Variants in DNAAF9 observed in about 807,000 individuals in gnomAD.
DNAAF9 encodes shulin.
A neutral mutation model predicts 167.0 loss-of-function variants in DNAAF9; 90 were observed. The ratio of observed to expected loss-of-function variants is 0.54; its 90% CI spans 0.45 to 0.64. The LOEUF (loss-of-function observed/expected upper bound fraction) is 0.64. Among genes scored for constraint, DNAAF9 ranks in the 30% least tolerant of loss-of-function variants. DNAAF9 has a pLI of 0.00. For missense variants in DNAAF9, 1,315 were observed against 1,442.2 expected (o/e 0.91, Z 1.43); for synonymous variants, 491 against 508.8 (o/e 0.96, Z 0.47).
intron 21 of DNAAF9, among the ~76,000 whole-genome samples, chr20:3,304,115 A>G (rs1437600482): frequency 6.6e-6 from 1 of 152,206 alleles, no homozygotes; most frequent in African/African-American, 2.4e-5. Context: ...AGGCCACCCA[A>G]GAGGGGCCAC....
At chr20:3,355,191 T>A (rs2083267574) in intron 7 of DNAAF9, among the ~76,000 whole-genome samples, 1 of 152,232 alleles carries the variant, frequency 6.6e-6, no homozygotes, top group Admixed American at 6.5e-5. Flanking sequence ...CTTTTTTTCA[T>A]AATTAGGTTC....
intron 7 of DNAAF9, among the ~76,000 whole-genome samples, chr20:3,355,608 T>C (rs1275423413): frequency 6.6e-6 from 1 of 152,050 alleles, no homozygotes; most frequent in African/African-American, 2.4e-5. Flanking sequence ...AGAACAGATG[T>C]TCAATGTTAT....
At chr20:3,343,799 A>G (rs1184330075) in intron 8 of DNAAF9, 68 bp from the exon 9 acceptor site, 1 of 1,146,274 alleles carries the variant, frequency 8.7e-7, no homozygotes, top group African/African-American at 1.5e-5. Context: ...AACCCCTCAC[A>G]TATGTATGTA....
At chr20:3,324,280 T>TAAAAAA (rs2069671244) in intron 14 of DNAAF9, among the ~76,000 whole-genome samples, 1 of 152,224 alleles carries the variant, frequency 6.6e-6, no homozygotes, top group African/African-American at 2.4e-5. Context: ...GAAGTATTCT[T>TAAAAAA]AAATAAATTC....
chr20:3,362,581 T>C (rs1372023043), intron 6 of DNAAF9, among the ~76,000 whole-genome samples: 1 of 152,194 alleles, frequency 6.6e-6, no homozygotes, highest in African/African-American at 2.4e-5. Context: ...TATTTTCATT[T>C]TGGGCTTGAC....
intron 14 of DNAAF9, 63 bp from the exon 15 acceptor site, chr20:3,322,759 AG>A: frequency 1.7e-6 from 2 of 1,182,996 alleles, no homozygotes; most frequent in Non-Finnish European, 2.5e-6. Context: ...ATACCTGTGC[AG>A]GGTACCTGCT....
chr20:3,285,992 G>GA (rs1444780667), intron 27 of DNAAF9, among the ~76,000 whole-genome samples: 1 of 150,610 alleles, frequency 6.6e-6, no homozygotes, highest in African/African-American at 2.4e-5. Context: ...AAAAAAAAAA[G>GA]AAAAAGAAAA....
intron 29 of DNAAF9, among the ~76,000 whole-genome samples, chr20:3,273,166 T>C (rs1205038773): frequency 6.6e-6 from 1 of 152,190 alleles, no homozygotes; most frequent in African/African-American, 2.4e-5. Context: ...CTTAAGTGAA[T>C]ATCTCTAAAT....
At chr20:3,396,030 G>A (rs2083902155) in intron 1 of DNAAF9, among the ~76,000 whole-genome samples, 1 of 152,286 alleles carries the variant, frequency 6.6e-6, no homozygotes, top group East Asian at 1.9e-4. Flanking sequence ...TTTTAAAAAT[G>A]GCAGTTTCCC....
intron 10 of DNAAF9, among the ~76,000 whole-genome samples, chr20:3,336,740 C>T (rs1335832308): frequency 2.0e-5 from 3 of 149,408 alleles, no homozygotes; most frequent in Non-Finnish European, 1.5e-5. Context: ...TTAGTAGAGA[C>T]GGGGTTTCGC....
chr20:3,344,442 A>G (rs1258013217), intron 8 of DNAAF9, among the ~76,000 whole-genome samples: 1 of 152,146 alleles, frequency 6.6e-6, no homozygotes, highest in East Asian at 1.9e-4. Flanking sequence ...AAAAACTATC[A>G]ACATTTTGGT....
intron 3 of DNAAF9, among the ~76,000 whole-genome samples, chr20:3,378,656 C>T (rs6115865): frequency 0.35 from 53,610 of 151,924 alleles, 10,317 homozygotes; most frequent in African/African-American, 0.51. Context: ...GAACTAGATG[C>T]TGTCAGAGGT....
At chr20:3,294,465 C>G in intron 24 of DNAAF9, 63 bp downstream of exon 24, 1 of 1,157,074 alleles carries the variant, frequency 8.6e-7, no homozygotes. Context: ...AGGACCAACA[C>G]TGAGGTTTCC....
At position 3,315,588 on chromosome 20, in the gene DNAAF9, G is replaced by A; in HGVS notation, c.1590+147C>T. The A allele has an allele frequency of 1.5e-6, 1 of 687,868 alleles. No individual in the cohort carries two copies. Among genetic ancestry groups the A allele is most frequent in the Non-Finnish European group, 2.6e-6 (1 of 383,866 alleles). The allele number at this position is 687,868 out of a possible 1,614,324, so 42.6% of individuals were successfully genotyped here. ...ATGGTTATTTCTAAAGCTCTGCTGG[G>A]AAGGGGAGGAATGCAAATAGGAAGT... On this transcript the variant is annotated intron_variant, in intron 19 of 36. Transcript: ENST00000252032. The surrounding 1 kb of genome is among the most constrained non-coding windows in gnomAD (Gnocchi z 4.1).
At chr20:3,326,389 A>G in intron 12 of DNAAF9, 105 bp from the exon 13 acceptor site, 1 of 807,006 alleles carries the variant, frequency 1.2e-6, no homozygotes, top group Non-Finnish European at 2.0e-6. Context: ...TTTTAAACAG[A>G]ATGAAAAAAG....
chr20:3,291,961 C>G (rs915552286), intron 25 of DNAAF9, among the ~76,000 whole-genome samples: 2 of 152,030 alleles, frequency 1.3e-5, no homozygotes, highest in Admixed American at 6.6e-5. Context: ...CATGTACATA[C>G]AGCCAGACAT....
At position 3,365,835 on chromosome 20, in the gene DNAAF9, G is replaced by A. The variant is rs150739742; in HGVS notation, c.613-6242C>T. On this transcript the variant is annotated intron_variant, in intron 6 of 36. Coordinates refer to ENST00000252032, the MANE Select transcript of DNAAF9 (RefSeq NM_001009984.3). The stretch of plus-strand genomic sequence containing the variant: ...AACAATGTTCACAGCATCTTCACCA[G>A]GAGTAGATTCCATCTCAAGAAACCA... 9.0e-3 allele frequency among the ~76,000 whole-genome samples: 1,377 copies of A among 152,268 alleles called. 20 individuals are homozygous for A. The highest frequency in any genetic ancestry group is 0.032 in the African/African-American group (1,321 of 41,540).
intron 7 of DNAAF9, among the ~76,000 whole-genome samples, chr20:3,358,234 A>C (rs892934221): frequency 6.6e-6 from 1 of 151,926 alleles, no homozygotes; most frequent in African/African-American, 2.4e-5. Flanking sequence ...CTTTATTAGA[A>C]TATGTCTCAG....
chr20:3,361,844 GGGGGAA>G, intron 6 of DNAAF9: 1 of 1,446,742 alleles, frequency 6.9e-7, no homozygotes, highest in Non-Finnish European at 9.5e-7. Context: ...TCGAATGTTG[GGGGGAA>G]GGGGAAGGGC....
Sources: allele counts gnomAD v4.1 joint callset (sites outside exome capture counted in the v4.1 genomes callset), GRCh38; gene constraint gnomAD v4.1.1; non-coding constraint Gnocchi (gnomAD v3.1); transcripts MANE v1.5; gene names NCBI Gene and HGNC (gene_info 2026-07-23, HGNC 2026-07-21).